ZNF106: variants seen among roughly 807,000 people sequenced by gnomAD.
ZNF106 encodes the protein zinc finger protein 106.
Under a neutral mutation model 195.1 loss-of-function variants are expected in ZNF106, and 67 were observed. The ratio of observed to expected loss-of-function variants is 0.34; its 90% CI spans 0.28 to 0.42. ZNF106 has a LOEUF of 0.42. ZNF106 is among the 10% of genes least tolerant of loss of function. The probability of loss-of-function intolerance (pLI) is 1.00; values close to 1 mark genes in which losing one functional copy is unlikely to be tolerated. For missense variants in ZNF106, 2,118 were observed against 2,304.5 expected (o/e 0.92, Z 1.66); for synonymous variants, 784 against 818.6 (o/e 0.96, Z 0.72).
chr15:42,457,550 CG>C, intron 3 of ZNF106: 1 of 1,051,026 alleles, frequency 9.5e-7, no homozygotes, highest in South Asian at 3.5e-5. Flanking sequence ...CTGGTGACAG[CG>C]CTTACATTTA....
intron 4 of ZNF106, among the ~76,000 whole-genome samples, chr15:42,454,193 A>C (rs17709180): frequency 0.066 from 10,115 of 152,266 alleles, 447 homozygotes; most frequent in South Asian, 0.16. Flanking sequence ...CCTTTTTCAC[A>C]AGACGGAATT....
At position 42,430,984 on chromosome 15, in the gene ZNF106, T is replaced by C. The variant is rs1056063235; in HGVS notation, c.4882-2850A>G. Among the ~76,000 whole-genome samples the C allele has an allele frequency of 4.6e-5, 7 of 152,042 alleles. No individual in the cohort carries two copies. In the East Asian group the frequency reaches 1.3e-3, roughly 29 times the overall value. ...CTTGGATTTTAAAGCTTTCTTCTTT[T>C]CTAATAGAAGCAATTAAAACCACGA... On this transcript the variant is annotated intron_variant, in intron 14 of 21. Transcript: ENST00000564754.
intron 6 of ZNF106, among the ~76,000 whole-genome samples, chr15:42,446,893 G>A (rs1408276089): frequency 6.6e-6 from 1 of 152,144 alleles, no homozygotes; most frequent in Non-Finnish European, 1.5e-5. Flanking sequence ...CCTAGAGGTA[G>A]GAAAGCCCAT....
intron 14 of ZNF106, among the ~76,000 whole-genome samples, chr15:42,430,534 C>T (rs367556638): frequency 3.3e-5 from 5 of 151,840 alleles, no homozygotes; most frequent in East Asian, 1.9e-4. Flanking sequence ...CGTGGGCCAT[C>T]GCGCATGCCT....
intron 2 of ZNF106, among the ~76,000 whole-genome samples, chr15:42,471,191 C>G (rs139956330): frequency 6.6e-6 from 1 of 152,302 alleles, no homozygotes; most frequent in Non-Finnish European, 1.5e-5. Flanking sequence ...ATCTCTTCCT[C>G]GTTTCTCTTA....
chr15:42,430,804 A>G (rs927429475), intron 14 of ZNF106, among the ~76,000 whole-genome samples: 1 of 150,998 alleles, frequency 6.6e-6, no homozygotes, highest in Non-Finnish European at 1.5e-5. Context: ...TATGCTTACA[A>G]TTTTTTTTTA....
intron 2 of ZNF106, among the ~76,000 whole-genome samples, chr15:42,466,847 G>C (rs2141407408): frequency 6.6e-6 from 1 of 152,222 alleles, no homozygotes; most frequent in South Asian, 2.1e-4. Context: ...TTAAAAACAT[G>C]CACACGGCTG....
Position 42,440,204 on chromosome 15 carries a change from A to G in ZNF106, c.3764-391T>C, listed in dbSNP as rs80056718. ...AGTTTTCATTATCCACACCCATCCA[A>G]TTTAGCTACAGCTTAGTAGTTAAAA... On this transcript the variant is annotated intron_variant, in intron 10 of 21. Transcript: ENST00000564754. Among the ~76,000 whole-genome samples, 1,263 of 152,310 alleles carry G rather than the reference A, an allele frequency of 8.3e-3. 19 individuals carry two copies. Among genetic ancestry groups the G allele is most frequent in the African/African-American group, 0.029 (1,214 of 41,566 alleles).
chr15:42,450,213 G>C lies in ZNF106; in HGVS notation c.2059C>G (p.Pro687Ala). ...GTTTTCAAGTCTAGCAATAAGCCAG[G>C]GTGTGGACTGGCTGCAGATGTCATT... ...LQMTSAASPH[P>A]GLLLDLKTSL... The change falls in exon 5 of 22, where the codon CCT becomes GCT. Residue 687 changes from proline (P) to alanine (A), a missense_variant. By Grantham distance (27) the Pro-to-Ala change is conservative. Coordinates refer to ENST00000564754, the MANE Select transcript of ZNF106 (RefSeq NM_001366845.3). 6.2e-7 allele frequency: 1 copy of C among 1,614,154 alleles called. No homozygotes were observed. The highest frequency in any genetic ancestry group is 8.5e-7 in the Non-Finnish European group (1 of 1,180,030).
At position 42,467,938 on chromosome 15, in the gene ZNF106, A is replaced by G. The variant is rs527864229; in HGVS notation, c.55-1824T>C. 3.9e-5 allele frequency among the ~76,000 whole-genome samples: 6 copies of G among 152,328 alleles called. No individual in the cohort carries two copies. The South Asian group carries it at 1.0e-3, about 26-fold the overall frequency. ...GCTAATGCTTCAAACACCATGTCAC[A>G]CTGTAAGCATTTGGTGCATTGAAAT... On this transcript the variant is annotated intron_variant, in intron 2 of 21. Coordinates refer to ENST00000564754, the MANE Select transcript of ZNF106 (RefSeq NM_001366845.3).
Position 42,439,428 on chromosome 15 carries a change from A to C in ZNF106, c.4149T>G (p.Ser1383Arg). 6.2e-7 allele frequency: 1 copy of C among 1,613,950 alleles called. No homozygotes were observed. The highest frequency in any genetic ancestry group is 8.5e-7 in the Non-Finnish European group (1 of 1,179,996). ...TCTCAGGAACATGGGCAGCCCGTAG[A>C]CTTTTCTTCTTCCGGAGTTTCTTCT... ...KKKKKLRKKK[S>R]LRAAHVPENS... is the part of the protein sequence containing the mutation. The change falls in exon 11 of 22, where the codon AGT becomes AGG. Residue 1383 changes from serine (S) to arginine (R), a missense_variant. Physicochemically the swap from Ser to Arg is moderately radical, Grantham distance 110. Coordinates refer to ENST00000564754, the MANE Select transcript of ZNF106 (RefSeq NM_001366845.3).
chr15:42,431,369 G>A (rs1228462724), intron 14 of ZNF106, among the ~76,000 whole-genome samples: 2 of 148,442 alleles, frequency 1.3e-5, no homozygotes, highest in African/African-American at 5.0e-5. Context: ...GATCTTGATC[G>A]TTAATGATGT....
intron 3 of ZNF106, among the ~76,000 whole-genome samples, chr15:42,463,081 G>A (rs750607795): frequency 2.6e-5 from 4 of 152,026 alleles, no homozygotes; most frequent in African/African-American, 7.2e-5. Flanking sequence ...TTATAGGCAC[G>A]AGCACCGCGG....
intron 14 of ZNF106, 146 bp downstream of exon 14, chr15:42,435,238 G>A: frequency 9.0e-7 from 1 of 1,113,558 alleles, no homozygotes. Context: ...ATCTACCTAG[G>A]GCTACAACAA....
At position 42,442,366 on chromosome 15, in the gene ZNF106, G is replaced by A; in HGVS notation, c.3470C>T (p.Thr1157Ile). 2 of 1,614,186 alleles carry A rather than the reference G, an allele frequency of 1.2e-6. No homozygotes were observed. The change falls in exon 10 of 22, where the codon ACA becomes ATA. Residue 1157 changes from threonine to isoleucine, a missense_variant. Thr to Ile is a moderately conservative substitution (Grantham distance 89). Coordinates refer to ENST00000564754, the MANE Select transcript of ZNF106 (RefSeq NM_001366845.3). ...EHPDQVPCSL[T>I]RERRNSRSQT... The stretch of plus-strand genomic sequence containing the variant: ...AGATCTACTGTTCCTTCGTTCTCGT[G>A]TGAGGCTACAGGGAACCTGGTCTGG...
At chr15:42,439,904 T>C (rs2055438093) in intron 10 of ZNF106, 91 bp from the exon 11 acceptor site, 6 of 1,330,716 alleles carry the variant, frequency 4.5e-6, no homozygotes, top group Non-Finnish European at 5.0e-6. Context: ...TTCAATGATA[T>C]GTTCAGAAAA....
intron 2 of ZNF106, among the ~76,000 whole-genome samples, chr15:42,467,373 C>T (rs2056544725): frequency 6.6e-6 from 1 of 152,146 alleles, no homozygotes; most frequent in Non-Finnish European, 1.5e-5. Context: ...AAAATACTGC[C>T]GAGGGAGTAT....
chr15:42,468,005 C>G (rs1484650531), intron 2 of ZNF106, among the ~76,000 whole-genome samples: 1 of 150,860 alleles, frequency 6.6e-6, no homozygotes, highest in African/African-American at 2.4e-5. Flanking sequence ...CAATACAACA[C>G]AACCCACTGT....
intron 1 of ZNF106, among the ~76,000 whole-genome samples, chr15:42,474,095 A>AC (rs1398778687): frequency 6.6e-6 from 1 of 151,996 alleles, no homozygotes; most frequent in African/African-American, 2.4e-5. Context: ...CCAATGAGAG[A>AC]CCCCCAAGTG....
Sources: allele counts gnomAD v4.1 joint callset (sites outside exome capture counted in the v4.1 genomes callset), GRCh38; gene constraint gnomAD v4.1.1; transcripts MANE v1.5; gene names NCBI Gene and HGNC (gene_info 2026-07-23, HGNC 2026-07-21).